The following VWA3B variants were observed in gnomAD, a reference collection of about 807,000 sequenced individuals.
VWA3B encodes von Willebrand factor A domain-containing protein 3B.
In VWA3B, 138 loss-of-function variants were observed where a neutral mutation model predicts 158.3. That is an observed-to-expected ratio of 0.87 (90% confidence interval 0.76 to 1.00). The LOEUF is 1.00. Ranked by LOEUF, VWA3B falls within the 50% of genes least tolerant of loss-of-function variation. The probability of loss-of-function intolerance (pLI) is 0.00; values close to 1 mark genes in which losing one functional copy is unlikely to be tolerated. For missense variants in VWA3B, 1,555 were observed against 1,565.1 expected (o/e 0.99, Z 0.11); for synonymous variants, 596 against 587.3 (o/e 1.01, Z -0.21).
chr2:98,278,636 A>C (rs971205931), intron 22 of VWA3B, among the ~76,000 whole-genome samples: 1 of 152,142 alleles, frequency 6.6e-6, no homozygotes, highest in Non-Finnish European at 1.5e-5. Flanking sequence ...TCCCGCCATC[A>C]AGCCATCCCC....
intron 10 of VWA3B, among the ~76,000 whole-genome samples, chr2:98,189,965 A>T (rs1333497879): frequency 6.6e-6 from 1 of 152,282 alleles, no homozygotes; most frequent in African/African-American, 2.4e-5. Flanking sequence ...CAGACACAAG[A>T]TATATAATTA....
intron 7 of VWA3B, among the ~76,000 whole-genome samples, chr2:98,153,125 C>T (rs1677769014): frequency 6.6e-6 from 1 of 152,204 alleles, no homozygotes; most frequent in Non-Finnish European, 1.5e-5. Context: ...GGCTTCATCT[C>T]CTCTCAGCTC....
At position 98,276,472 on chromosome 2, in the gene VWA3B, A is replaced by G. The variant is rs1574259641; in HGVS notation, c.3045+5589A>G. Among the ~76,000 whole-genome samples the G allele has an allele frequency of 2.6e-5, 4 of 152,360 alleles. No homozygotes were observed. In the South Asian group the frequency reaches 8.3e-4, roughly 32 times the overall value. ...CAAAGGCCAAAGCTTTTGATGGATG[A>G]GTATAAATTGCCATGAAAGAGCCCC... is the stretch of plus-strand genomic sequence containing the variant. On this transcript the variant is annotated intron_variant, in intron 22 of 27. Coordinates refer to ENST00000477737, the MANE Select transcript of VWA3B (RefSeq NM_144992.5).
At chr2:98,140,602 T>C (rs1374508488) in intron 7 of VWA3B, among the ~76,000 whole-genome samples, 3 of 152,172 alleles carry the variant, frequency 2.0e-5, no homozygotes, top group Non-Finnish European at 4.4e-5. Flanking sequence ...TCTTTCTCTC[T>C]TTATGATGGG....
chr2:98,239,212 A>G (rs1323840735), intron 19 of VWA3B, among the ~76,000 whole-genome samples: 1 of 152,228 alleles, frequency 6.6e-6, no homozygotes, highest in Non-Finnish European at 1.5e-5. Flanking sequence ...ACTGAAGTAT[A>G]TGTGCAGAGA....
At chr2:98,148,187 T>A in intron 7 of VWA3B, among the ~76,000 whole-genome samples, 1 of 152,192 alleles carries the variant, frequency 6.6e-6, no homozygotes, top group Non-Finnish European at 1.5e-5. Context: ...TAATCTCTCA[T>A]GTTGAATTGC....
At chr2:98,290,110 A>G (rs1339796870) in intron 22 of VWA3B, among the ~76,000 whole-genome samples, 1 of 152,188 alleles carries the variant, frequency 6.6e-6, no homozygotes, top group African/African-American at 2.4e-5. Context: ...TTTATGAAGA[A>G]AATAGGTTTA....
rs1431107021 is a variant in VWA3B at position 98,121,333 on chromosome 2, G to A, written c.577G>A (p.Ala193Thr). The change falls in exon 5 of 28, where the codon GCT becomes ACT. Residue 193 changes from alanine to threonine, a missense_variant. Transcript: ENST00000477737. Reference protein sequence around the residue: ...SQEPVKWQENATPVTEQSIAT... With the variant: ...SQEPVKWQENTTPVTEQSIAT... ...AGAGCCTGTGAAGTGGCAGGAAAATGCTACTCCTGTGACCGAACAGTCCAT... is the reference window on the plus strand; with the variant it reads ...AGAGCCTGTGAAGTGGCAGGAAAATACTACTCCTGTGACCGAACAGTCCAT... 1 of 1,614,034 alleles carries A rather than the reference G, an allele frequency of 6.2e-7. No homozygotes were observed. Among genetic ancestry groups the A allele is most frequent in the Non-Finnish European group, 8.5e-7 (1 of 1,179,890 alleles).
At chr2:98,138,243 C>T (rs779997480) in intron 7 of VWA3B, among the ~76,000 whole-genome samples, 6 of 152,218 alleles carry the variant, frequency 3.9e-5, no homozygotes, top group Non-Finnish European at 8.8e-5. Flanking sequence ...CATTACCTTT[C>T]TGGGAAGCCT....
At chr2:98,154,659 G>A (rs1446544242) in intron 7 of VWA3B, among the ~76,000 whole-genome samples, 1 of 152,202 alleles carries the variant, frequency 6.6e-6, no homozygotes, top group Non-Finnish European at 1.5e-5. Flanking sequence ...AGTGCAATCA[G>A]CTCCTTAGAA....
At chr2:98,216,905 T>G in intron 13 of VWA3B, 2 of 1,299,228 alleles carry the variant, frequency 1.5e-6, no homozygotes, top group Non-Finnish European at 2.0e-6. Context: ...AGTCTCTCGC[T>G]CTGGAGCTGT....
rs373471471 is a variant in VWA3B, at chr2:98,188,122, C to T, written c.1459C>T (p.Arg487Ter). Residue 487 changes from arginine to a stop codon, truncating the protein, a stop_gained, in exon 10 of 28, where the codon CGA (arginine) becomes TGA (stop). Coordinates refer to ENST00000477737, the MANE Select transcript of VWA3B (RefSeq NM_144992.5). LOFTEE classifies it high-confidence loss of function. ...ERIHTALARI[R>*]RRIKWLQDGS... Reference sequence around the variant, plus strand: ...AATCCACACAGCCCTGGCCCGGATCCGAAGGAGGTTGGTGTTATTTGCAGG... The same window carrying T: ...AATCCACACAGCCCTGGCCCGGATCTGAAGGAGGTTGGTGTTATTTGCAGG... 9.9e-6 allele frequency: 16 copies of T among 1,610,260 alleles called. No individual in the cohort carries two copies. Among genetic ancestry groups the T allele is most frequent in the South Asian group, 7.8e-5 (7 of 90,292 alleles).
intron 1 of VWA3B, among the ~76,000 whole-genome samples, chr2:98,092,246 A>C (rs1389777216): frequency 1.3e-5 from 2 of 152,198 alleles, no homozygotes; most frequent in African/African-American, 4.8e-5. Flanking sequence ...TTGGGCACAA[A>C]ATGTCAGGTG....
chr2:98,099,806 A>G (rs1682962195), intron 2 of VWA3B, among the ~76,000 whole-genome samples: 1 of 151,772 alleles, frequency 6.6e-6, no homozygotes, highest in Non-Finnish European at 1.5e-5. Context: ...TTCTCTTCAA[A>G]TTCCAGATTC....
chr2:98,134,793 C>A (rs1033641002), intron 7 of VWA3B, among the ~76,000 whole-genome samples: 1 of 151,888 alleles, frequency 6.6e-6, no homozygotes, highest in African/African-American at 2.4e-5. Flanking sequence ...GAAAGATTTA[C>A]GTAACGGTGC....
At position 98,303,696 on chromosome 2, in the gene VWA3B, T is replaced by A. The variant is rs1050850506; in HGVS notation, c.3421-6T>A. ...AGTTGAGTGAACTCTGTTGGTATTATTACAGGAATTTTGCCCTCGGAGTGC... is the reference window on the plus strand; with the variant it reads ...AGTTGAGTGAACTCTGTTGGTATTAATACAGGAATTTTGCCCTCGGAGTGC... On this transcript the variant is annotated splice_region_variant and splice_polypyrimidine_tract_variant and intron_variant, in intron 25 of 27. Transcript: ENST00000477737. 1 of 1,613,424 alleles carries A rather than the reference T, an allele frequency of 6.2e-7. No individual in the cohort carries two copies. Among genetic ancestry groups the A allele is most frequent in the Non-Finnish European group, 8.5e-7 (1 of 1,179,494 alleles).
At chr2:98,129,049 G>A (rs765804974) in intron 6 of VWA3B, among the ~76,000 whole-genome samples, 1 of 152,152 alleles carries the variant, frequency 6.6e-6, no homozygotes, top group Non-Finnish European at 1.5e-5. Context: ...CACAGGCTGG[G>A]TGGCTTAACA....
At chr2:98,285,298 T>C (rs1689100649) in intron 22 of VWA3B, among the ~76,000 whole-genome samples, 1 of 152,330 alleles carries the variant, frequency 6.6e-6, no homozygotes, top group East Asian at 1.9e-4. Flanking sequence ...TAATATTCCA[T>C]TGTATGGATA....
chr2:98,133,220 G>C (rs1203981340), intron 6 of VWA3B, among the ~76,000 whole-genome samples: 1 of 152,192 alleles, frequency 6.6e-6, no homozygotes, highest in Non-Finnish European at 1.5e-5. Flanking sequence ...GGGGGCCTGG[G>C]AGTGTGTATT....
Sources: gnomAD v4.1 joint callset for allele counts (sites outside exome capture counted in the v4.1 genomes callset) on GRCh38, gnomAD v4.1.1 for gene constraint, MANE v1.5 for transcripts, NCBI Gene and HGNC (gene_info 2026-07-23, HGNC 2026-07-21) for gene names.